The following DLG2 variants were observed in gnomAD, a reference collection of about 807,000 sequenced individuals.
DLG2 encodes disks large homolog 2.
In DLG2, 45 loss-of-function variants were observed where a neutral mutation model predicts 132.5. The ratio of observed to expected loss-of-function variants is 0.34; its 90% CI spans 0.27 to 0.44. The LOEUF (loss-of-function observed/expected upper bound fraction) is 0.44, where lower values mean the gene tolerates loss of function less well. Ranked by LOEUF, DLG2 falls within the 20% of genes least tolerant of loss-of-function variation. DLG2 has a pLI of 1.00. For missense variants in DLG2, 1,045 were observed against 1,196.9 expected (o/e 0.87, Z 1.87); for synonymous variants, 424 against 419.6 (o/e 1.01, Z -0.13).
At chr11:83,831,577 T>G (rs2054541102) in intron 17 of DLG2, among the ~76,000 whole-genome samples, 2 of 151,976 alleles carry the variant, frequency 1.3e-5, no homozygotes, top group Non-Finnish European at 2.9e-5. Context: ...ATTTTCCCAT[T>G]TTTTGAAGGG....
Position 84,082,209 on chromosome 11 carries a change from G to GCAGATA in DLG2, c.749+16713_749+16714insTATCTG, listed in dbSNP as rs1413585022. Among the ~76,000 whole-genome samples, 9 of 151,760 alleles carry GCAGATA rather than the reference G, an allele frequency of 5.9e-5. No individual in the cohort carries two copies. In the East Asian group the frequency reaches 1.8e-3, roughly 30 times the overall value. On this transcript the variant is annotated intron_variant, in intron 10 of 27. Transcript: ENST00000376104. Reference sequence around the variant, plus strand: ...GTAAATTCTGGCAGAAACTCTACAAGCCAAAATTTACAAAATATTTTTAAA... The same window carrying GCAGATA: ...GTAAATTCTGGCAGAAACTCTACAAGCAGATACCAAAATTTACAAAATATTTTTAAA...
At chr11:84,407,491 G>T (rs2098860998) in intron 7 of DLG2, among the ~76,000 whole-genome samples, 1 of 151,988 alleles carries the variant, frequency 6.6e-6, no homozygotes, top group African/African-American at 2.4e-5. Context: ...TGTTCCCCTG[G>T]CCTGCTTCCC....
chr11:85,455,133 T>A (rs1369568075), intron 3 of DLG2, among the ~76,000 whole-genome samples: 1 of 152,226 alleles, frequency 6.6e-6, no homozygotes, highest in African/African-American at 2.4e-5. Flanking sequence ...ATTTTTATAA[T>A]ATTGATTCTC....
intron 6 of DLG2, among the ~76,000 whole-genome samples, chr11:84,745,645 C>T (rs2065266043): frequency 6.6e-6 from 1 of 152,098 alleles, no homozygotes; most frequent in African/African-American, 2.4e-5. Context: ...GGCGGGATAG[C>T]TCCTCTATAA....
intron 5 of DLG2, among the ~76,000 whole-genome samples, chr11:85,142,016 G>A (rs1014789239): frequency 6.6e-6 from 1 of 151,450 alleles, no homozygotes; most frequent in Non-Finnish European, 1.5e-5. Flanking sequence ...TCTTTTTGTT[G>A]CCCATGATGG....
intron 3 of DLG2, among the ~76,000 whole-genome samples, chr11:85,291,654 G>A (rs974615568): frequency 1.4e-5 from 2 of 147,006 alleles, no homozygotes; most frequent in South Asian, 2.1e-4. Flanking sequence ...GTGCAATCTC[G>A]GCTCACTGCA....
chr11:84,850,314 G>C (rs996966569), intron 6 of DLG2, among the ~76,000 whole-genome samples: 3 of 152,132 alleles, frequency 2.0e-5, no homozygotes, highest in Admixed American at 2.0e-4. Context: ...TGAAGACTTA[G>C]AGGAGGAAGA....
At chr11:84,965,088 T>C (rs1276166367) in intron 6 of DLG2, among the ~76,000 whole-genome samples, 1 of 152,144 alleles carries the variant, frequency 6.6e-6, no homozygotes, top group Admixed American at 6.6e-5. Flanking sequence ...AAATAGATCA[T>C]AAGATATCTA....
chr11:84,881,240 T>G (rs2087284124), intron 6 of DLG2, among the ~76,000 whole-genome samples: 1 of 152,094 alleles, frequency 6.6e-6, no homozygotes, highest in Non-Finnish European at 1.5e-5. Flanking sequence ...GTTATAAGAT[T>G]TGGTTTTGAA....
In DLG2 at chr11:83,498,232, A is replaced by G. The variant is rs191007231; in HGVS notation, c.2194-14004T>C. 4.6e-3 allele frequency among the ~76,000 whole-genome samples: 700 copies of G among 152,236 alleles called. 3 individuals are homozygous for G. Among genetic ancestry groups the G allele is most frequent in the Non-Finnish European group, 8.2e-3 (554 of 67,968 alleles). On this transcript the variant is annotated intron_variant, in intron 21 of 27. Coordinates refer to ENST00000376104, the MANE Select transcript of DLG2 (RefSeq NM_001142699.3). ...CCTCAGTTTTAGGTATTTAAATGTG[A>G]TAACATATTAATAGCTCTCACCATA...
chr11:83,513,884 C>T (rs1288433688), intron 21 of DLG2, among the ~76,000 whole-genome samples: 1 of 152,140 alleles, frequency 6.6e-6, no homozygotes, highest in Non-Finnish European at 1.5e-5. Context: ...TTCCATTGGT[C>T]TATATCTCTG....
intron 22 of DLG2, chr11:83,480,537 A>G (rs1184602174): frequency 6.6e-7 from 1 of 1,515,492 alleles, no homozygotes; most frequent in East Asian, 2.5e-5. Flanking sequence ...GCCGCAGAGG[A>G]GGCTGCATTA....
At chr11:85,573,867 C>T (rs2077991233) in intron 3 of DLG2, among the ~76,000 whole-genome samples, 1 of 152,074 alleles carries the variant, frequency 6.6e-6, no homozygotes. Flanking sequence ...CATGTAGAAC[C>T]TTAAAATGCT....
chr11:85,570,623 T>A (rs1160875569), intron 3 of DLG2, among the ~76,000 whole-genome samples: 1 of 152,180 alleles, frequency 6.6e-6, no homozygotes, highest in Non-Finnish European at 1.5e-5. Flanking sequence ...ATGGTTTGCA[T>A]CAAATTTCAG....
intron 17 of DLG2, chr11:83,790,052 C>T (rs1212340004): frequency 1.5e-6 from 2 of 1,340,690 alleles, no homozygotes; most frequent in African/African-American, 3.0e-5. Flanking sequence ...GGTATACTGA[C>T]ATAAAACAAA....
chr11:83,567,049 T>A (rs1333307978), intron 19 of DLG2, among the ~76,000 whole-genome samples: 1 of 152,092 alleles, frequency 6.6e-6, no homozygotes, highest in African/African-American at 2.4e-5. Context: ...CAGGAACGGT[T>A]AATCCAGTTG....
At chr11:85,028,864 C>T (rs895947290) in intron 6 of DLG2, among the ~76,000 whole-genome samples, 6 of 152,148 alleles carry the variant, frequency 3.9e-5, no homozygotes, top group Non-Finnish European at 4.4e-5. Flanking sequence ...GGGCTGGGCT[C>T]CTGCCTGTTC....
intron 6 of DLG2, among the ~76,000 whole-genome samples, chr11:84,571,504 G>A (rs1205721615): frequency 6.6e-6 from 1 of 151,798 alleles, no homozygotes; most frequent in Admixed American, 6.6e-5. Flanking sequence ...GCCATGCTTG[G>A]TCTCTACTAT....
intron 18 of DLG2, among the ~76,000 whole-genome samples, chr11:83,753,866 CAT>C (rs56158440): frequency 4.1e-4 from 12 of 29,060 alleles, no homozygotes; most frequent in African/African-American, 3.9e-3. Context: ...ATATATATTT[CAT>C]ATATATGATA....
Sources: allele counts gnomAD v4.1 joint callset (sites outside exome capture counted in the v4.1 genomes callset), GRCh38; gene constraint gnomAD v4.1.1; transcripts MANE v1.5; gene names NCBI Gene and HGNC (gene_info 2026-07-23, HGNC 2026-07-21).